PCDH9: variants seen among roughly 807,000 people sequenced by gnomAD.
PCDH9 encodes protocadherin-9.
A neutral mutation model predicts 70.6 loss-of-function variants in PCDH9; 24 were observed. The observed-to-expected ratio is 0.34, with a 90% CI of 0.25 to 0.48. The LOEUF is 0.48. Among genes scored for constraint, PCDH9 ranks in the 20% least tolerant of loss-of-function variants. The probability of loss-of-function intolerance (pLI) is 0.99; values close to 1 mark genes in which losing one functional copy is unlikely to be tolerated. For missense variants in PCDH9, 1,281 were observed against 1,503.6 expected, an observed-to-expected ratio of 0.85 and a Z score of 2.45; for synonymous variants, 562 against 558.5, an observed-to-expected ratio of 1.01 and a Z score of -0.09.
intron 3 of PCDH9, among the ~76,000 whole-genome samples, chr13:66,638,038 T>A (rs1312831476): frequency 6.6e-6 from 1 of 152,182 alleles, no homozygotes; most frequent in Non-Finnish European, 1.5e-5. Flanking sequence ...AACCACAATT[T>A]CTGATTTCCA....
At chr13:66,314,357 G>A (rs1319689749) in intron 4 of PCDH9, among the ~76,000 whole-genome samples, 3 of 152,150 alleles carry the variant, frequency 2.0e-5, no homozygotes, top group Non-Finnish European at 4.4e-5. Context: ...TGGGGGGTAA[G>A]TCCAAGATCC....
At chr13:66,671,767 A>T (rs1246714901) in intron 3 of PCDH9, among the ~76,000 whole-genome samples, 5 of 152,206 alleles carry the variant, frequency 3.3e-5, no homozygotes, top group Non-Finnish European at 7.3e-5. Flanking sequence ...AAAAGCATTT[A>T]GTTTTATGTA....
At chr13:67,105,116 T>A (rs1048856901) in intron 2 of PCDH9, among the ~76,000 whole-genome samples, 1 of 152,150 alleles carries the variant, frequency 6.6e-6, no homozygotes, top group African/African-American at 2.4e-5. Flanking sequence ...TTCTGTTTCA[T>A]TTATTCAGTA....
chr13:67,097,113 G>C (rs887752539), intron 2 of PCDH9, among the ~76,000 whole-genome samples: 2 of 151,714 alleles, frequency 1.3e-5, no homozygotes, highest in Non-Finnish European at 2.9e-5. Context: ...AAATTAGCTG[G>C]GCATGGTGGC....
chr13:66,764,865 TACA>T (rs931951276), intron 3 of PCDH9, among the ~76,000 whole-genome samples: 4 of 151,930 alleles, frequency 2.6e-5, no homozygotes, highest in African/African-American at 9.7e-5. Flanking sequence ...GCGCTAAAAA[TACA>T]ACAAAAGAAA....
intron 3 of PCDH9, among the ~76,000 whole-genome samples, chr13:66,817,655 A>T (rs1430965840): frequency 1.3e-5 from 2 of 152,084 alleles, no homozygotes; most frequent in Admixed American, 6.6e-5. Context: ...TTTGAGACAG[A>T]GTCTCACTTT....
intron 2 of PCDH9, among the ~76,000 whole-genome samples, chr13:67,072,103 T>C (rs1032235409): frequency 7.9e-5 from 12 of 152,100 alleles, no homozygotes; most frequent in African/African-American, 2.4e-4. Context: ...GATCTCTCTG[T>C]AGGTATTAGT....
intron 2 of PCDH9, among the ~76,000 whole-genome samples, chr13:67,157,883 C>G (rs1352238032): frequency 1.3e-5 from 2 of 152,238 alleles, no homozygotes; most frequent in African/African-American, 4.8e-5. Flanking sequence ...CAGCATAATT[C>G]TCTCAGTCTG....
intron 2 of PCDH9, chr13:67,211,755 T>C (rs2089473088): frequency 6.6e-6 from 1 of 152,114 alleles, no homozygotes; most frequent in Non-Finnish European, 1.5e-5. Context: ...TGATAAATAT[T>C]CATAAGAAAA....
intron 2 of PCDH9, among the ~76,000 whole-genome samples, chr13:67,025,404 A>T (rs1460352539): frequency 6.6e-6 from 1 of 152,110 alleles, no homozygotes; most frequent in Non-Finnish European, 1.5e-5. Flanking sequence ...GGTGTTTACA[A>T]ATCCCTAACG....
At chr13:66,991,430 T>C (rs905684876) in intron 2 of PCDH9, among the ~76,000 whole-genome samples, 2 of 151,620 alleles carry the variant, frequency 1.3e-5, no homozygotes, top group Non-Finnish European at 2.9e-5. Flanking sequence ...AAAGGTTGCA[T>C]ACTAATAAGA....
At chr13:66,752,785 G>A (rs1380517831) in intron 3 of PCDH9, among the ~76,000 whole-genome samples, 1 of 152,122 alleles carries the variant, frequency 6.6e-6, no homozygotes, top group African/African-American at 2.4e-5. Flanking sequence ...AGGCTCTAAG[G>A]TCCACACATA....
chr13:66,476,630 G>C lies in PCDH9; in HGVS notation c.3340+154580C>G, dbSNP rs556937537. Among the ~76,000 whole-genome samples, 189 of 152,068 alleles carry C rather than the reference G, an allele frequency of 1.2e-3. 1 individual carries two copies. Among genetic ancestry groups the C allele is most frequent in the Non-Finnish European group, 2.1e-3 (143 of 67,928 alleles). On this transcript the variant is annotated intron_variant, in intron 4 of 4. Transcript: ENST00000377865. ...GTTTCAATAATATCTCTGTCACAAA[G>C]TGGACATAATGTATAATTCTGACAT...
chr13:66,965,589 A>T (rs1412784253), intron 2 of PCDH9, among the ~76,000 whole-genome samples: 1 of 152,022 alleles, frequency 6.6e-6, no homozygotes, highest in Admixed American at 6.6e-5. Flanking sequence ...TTTTATTTAT[A>T]TTAAATTGTT....
intron 4 of PCDH9, among the ~76,000 whole-genome samples, chr13:66,307,235 A>C (rs1955484494): frequency 6.6e-6 from 1 of 151,942 alleles, no homozygotes; most frequent in East Asian, 1.9e-4. Flanking sequence ...TTTCCTCCCA[A>C]CTAGATTGAA....
chr13:67,130,502 G>C (rs781605596), intron 2 of PCDH9, among the ~76,000 whole-genome samples: 3 of 151,832 alleles, frequency 2.0e-5, no homozygotes, highest in Non-Finnish European at 2.9e-5. Flanking sequence ...TGCAGATCTC[G>C]GTCAAAGTGA....
intron 3 of PCDH9, among the ~76,000 whole-genome samples, chr13:66,754,553 A>G (rs1432299772): frequency 2.6e-5 from 4 of 152,132 alleles, no homozygotes; most frequent in African/African-American, 7.2e-5. Flanking sequence ...TGAAGAGATT[A>G]AGAAAATACA....
chr13:66,613,695 C>T (rs1274107872), intron 4 of PCDH9, among the ~76,000 whole-genome samples: 1 of 152,184 alleles, frequency 6.6e-6, no homozygotes, highest in East Asian at 1.9e-4. Flanking sequence ...TCAAGGGTTC[C>T]ACCCAGCGAC....
intron 4 of PCDH9, among the ~76,000 whole-genome samples, chr13:66,555,831 A>G (rs1252822081): frequency 6.8e-6 from 1 of 148,034 alleles, no homozygotes; most frequent in African/African-American, 2.5e-5. Flanking sequence ...GGTCCCAATA[A>G]GTACCATGAA....
Sources: allele counts gnomAD v4.1 joint callset (sites outside exome capture counted in the v4.1 genomes callset), GRCh38; gene constraint gnomAD v4.1.1; transcripts MANE v1.5; gene names NCBI Gene and HGNC (gene_info 2026-07-23, HGNC 2026-07-21).